Variants in NAALADL2 observed in about 807,000 individuals in gnomAD.
The protein encoded by NAALADL2 is N-acetylated alpha-linked acidic dipeptidase like 2.
NAALADL2 carries 76 observed loss-of-function variants against 87.2 expected under a neutral mutation model. That is an observed-to-expected ratio of 0.87 (90% CI 0.72 to 1.05). NAALADL2 has a LOEUF of 1.05. Ranked by LOEUF, NAALADL2 falls within the 50% of genes least tolerant of loss-of-function variation. The pLI is 0.00. For synonymous variants in NAALADL2, 354 were observed against 331.0 expected, an observed-to-expected ratio of 1.07 and a Z score of -0.75; for missense variants, 1,089 against 945.8, an observed-to-expected ratio of 1.15 and a Z score of -1.99.
intron 5 of NAALADL2, among the ~76,000 whole-genome samples, chr3:175,353,380 C>G (rs1242360347): frequency 6.6e-6 from 1 of 152,040 alleles, no homozygotes. Context: ...AGTATTCGTT[C>G]AGCACATATT....
At chr3:175,723,180 T>C (rs1742472607) in intron 11 of NAALADL2, among the ~76,000 whole-genome samples, 2 of 152,140 alleles carry the variant, frequency 1.3e-5, no homozygotes, top group Non-Finnish European at 2.9e-5. Context: ...GTCAGAGCTC[T>C]GGCAGCTGGC....
At chr3:174,609,258 C>T (rs1313902399) in intron 2 of NAALADL2, among the ~76,000 whole-genome samples, 2 of 152,094 alleles carry the variant, frequency 1.3e-5, no homozygotes, top group Non-Finnish European at 2.9e-5. Flanking sequence ...TGGCACAAGA[C>T]AGGGATGCCC....
At chr3:174,648,876 T>C (rs1340671809) in intron 2 of NAALADL2, among the ~76,000 whole-genome samples, 1 of 152,140 alleles carries the variant, frequency 6.6e-6, no homozygotes, top group African/African-American at 2.4e-5. Flanking sequence ...TGTATACATA[T>C]GTGTTGAGAG....
At chr3:174,944,419 T>C (rs1429343005) in intron 1 of NAALADL2, among the ~76,000 whole-genome samples, 1 of 152,094 alleles carries the variant, frequency 6.6e-6, no homozygotes, top group African/African-American at 2.4e-5. Context: ...ATAGCAAAGA[T>C]GTTGGCCCAC....
At chr3:175,167,466 T>C (rs980580535) in intron 2 of NAALADL2, among the ~76,000 whole-genome samples, 9 of 152,082 alleles carry the variant, frequency 5.9e-5, no homozygotes, top group African/African-American at 2.2e-4. Context: ...TCCCATCATC[T>C]TCAGTCACCA....
intron 9 of NAALADL2, among the ~76,000 whole-genome samples, chr3:175,524,277 A>T (rs1417615544): frequency 2.0e-5 from 3 of 152,216 alleles, no homozygotes; most frequent in African/African-American, 7.2e-5. Flanking sequence ...TAAATAGTGT[A>T]TTAATTTTGG....
At chr3:174,844,835 GTTTTTT>G (rs781333758) in intron 3 of NAALADL2, among the ~76,000 whole-genome samples, 1 of 35,458 alleles carries the variant, frequency 2.8e-5, no homozygotes, top group Non-Finnish European at 5.1e-5. Flanking sequence ...AGTTCTAATG[GTTTTTT>G]TTTTTTTTTT....
chr3:175,504,565 T>TTCTCTCTCTCTCTCTCTCTCTCTCTCTC (rs200985901), intron 9 of NAALADL2, among the ~76,000 whole-genome samples: 22 of 134,324 alleles, frequency 1.6e-4, no homozygotes, highest in Non-Finnish European at 3.4e-4. Flanking sequence ...CTCTCTCTGT[T>TTCTCTCTCTCTCTCTCTCTCTCTCTCTC]TCTCTCTCTC....
At position 175,276,669 on chromosome 3, in the gene NAALADL2, T is replaced by C. The variant is rs369523654; in HGVS notation, c.939+20139T>C. Among the ~76,000 whole-genome samples the C allele has an allele frequency of 3.9e-5, 6 of 152,310 alleles. 1 individual carries two copies. In the East Asian group the frequency reaches 1.2e-3, roughly 29 times the overall value. Reference sequence around the variant, plus strand: ...GCAAGAAAGTAATTTTCACAAGTCATGTGAAAATCACTAAGCAGAAGTGAA... The same window carrying C: ...GCAAGAAAGTAATTTTCACAAGTCACGTGAAAATCACTAAGCAGAAGTGAA... On this transcript the variant is annotated intron_variant, in intron 4 of 13. Coordinates refer to ENST00000454872, the MANE Select transcript of NAALADL2 (RefSeq NM_207015.3).
At chr3:174,610,502 G>A (rs961328290) in intron 2 of NAALADL2, among the ~76,000 whole-genome samples, 39 of 152,194 alleles carry the variant, frequency 2.6e-4, no homozygotes, top group South Asian at 4.2e-4. Flanking sequence ...AAAAGTGGGC[G>A]AAAGACATGA....
chr3:174,688,270 C>T (rs1357192520), intron 2 of NAALADL2, among the ~76,000 whole-genome samples: 1 of 151,970 alleles, frequency 6.6e-6, no homozygotes, highest in Non-Finnish European at 1.5e-5. Flanking sequence ...TTATAGTTAC[C>T]ACCTCAATGG....
At chr3:175,250,208 G>C (rs2109757779) in intron 3 of NAALADL2, among the ~76,000 whole-genome samples, 2 of 149,484 alleles carry the variant, frequency 1.3e-5, no homozygotes, top group Admixed American at 1.3e-4. Flanking sequence ...ATTCTTATAA[G>C]AATAGATACC....
intron 2 of NAALADL2, among the ~76,000 whole-genome samples, chr3:175,163,000 T>C (rs1733468120): frequency 6.6e-6 from 1 of 152,164 alleles, no homozygotes; most frequent in Admixed American, 6.6e-5. Context: ...ATTTCTTTCT[T>C]TTCTCAGGGC....
At chr3:175,452,871 A>G (rs969339582) in intron 6 of NAALADL2, among the ~76,000 whole-genome samples, 5 of 152,146 alleles carry the variant, frequency 3.3e-5, no homozygotes, top group Admixed American at 1.3e-4. Context: ...TCCAAAGTCC[A>G]CAGAAAGTAG....
chr3:175,170,873 G>A (rs1734701790), intron 2 of NAALADL2, among the ~76,000 whole-genome samples: 1 of 151,774 alleles, frequency 6.6e-6, no homozygotes. Flanking sequence ...TGTATATTCA[G>A]TATGACACAA....
At chr3:174,828,855 G>T (rs1722292265) in intron 3 of NAALADL2, among the ~76,000 whole-genome samples, 1 of 152,188 alleles carries the variant, frequency 6.6e-6, no homozygotes. Context: ...ACTGTGGGAT[G>T]AGCTATATGA....
At chr3:174,606,540 C>T (rs377192406) in intron 2 of NAALADL2, among the ~76,000 whole-genome samples, 2 of 151,782 alleles carry the variant, frequency 1.3e-5, no homozygotes, top group East Asian at 1.9e-4. Context: ...CCTCAGGAGT[C>T]GATGTGATCA....
chr3:174,747,512 C>T (rs1386482574), intron 3 of NAALADL2, among the ~76,000 whole-genome samples: 2 of 149,524 alleles, frequency 1.3e-5, no homozygotes, highest in African/African-American at 4.9e-5. Context: ...ATCCCATTTA[C>T]TCAGGAGGCT....
Position 174,708,182 on chromosome 3 carries a change from C to T in NAALADL2, c.-114-29459C>T, listed in dbSNP as rs79587156. On this transcript the variant is annotated intron_variant, in intron 2 of 3. Coordinates refer to the NAALADL2 transcript ENST00000434257. The stretch of plus-strand genomic sequence containing the variant: ...ATGTTATTTCCTGTCTCTTTTCTAC[C>T]TACATCTCTACCTCCCCTTATCTGT... Among the ~76,000 whole-genome samples the T allele has an allele frequency of 8.5e-5, 13 of 152,236 alleles. No individual in the cohort carries two copies. In the East Asian group the frequency reaches 2.3e-3, roughly 27 times the overall value.
Sources: allele counts gnomAD v4.1 joint callset (sites outside exome capture counted in the v4.1 genomes callset), GRCh38; gene constraint gnomAD v4.1.1; transcripts MANE v1.5; gene names NCBI Gene and HGNC (gene_info 2026-07-23, HGNC 2026-07-21).